The following BMAL1 variants were observed in gnomAD, a reference collection of about 807,000 sequenced individuals.
The protein encoded by BMAL1 is basic helix-loop-helix ARNT like 1.
the BMAL1 span, among the ~76,000 whole-genome samples, chr11:13,325,051 G>A: frequency 6.6e-6 from 1 of 152,222 alleles, no homozygotes; most frequent in African/African-American, 2.4e-5. Context: ...AGGACCTGAA[G>A]ATCTTTGAGT....
the BMAL1 span, among the ~76,000 whole-genome samples, chr11:13,318,612 T>C: frequency 2.5e-4 from 37 of 149,924 alleles, no homozygotes; most frequent in Admixed American, 1.8e-3. Context: ...GCAGAGTCTT[T>C]GTTGAAATAG....
chr11:13,296,820 A>G, the BMAL1 span, among the ~76,000 whole-genome samples: 1 of 152,240 alleles, frequency 6.6e-6, no homozygotes, highest in Non-Finnish European at 1.5e-5. Flanking sequence ...TATGGCCATC[A>G]GCTCTGCCCC....
chr11:13,324,760 C>T, the BMAL1 span, among the ~76,000 whole-genome samples: 7 of 152,298 alleles, frequency 4.6e-5, no homozygotes, highest in East Asian at 1.9e-4. Flanking sequence ...TCCTGAAACA[C>T]GAGGTGGGTG....
At chr11:13,280,260 G>A in the BMAL1 span, among the ~76,000 whole-genome samples, 1 of 152,242 alleles carries the variant, frequency 6.6e-6, no homozygotes, top group Admixed American at 6.5e-5. Context: ...GAGTTTGTCT[G>A]CTATTTGCAG....
the BMAL1 span, among the ~76,000 whole-genome samples, chr11:13,377,234 C>T: frequency 3.1e-4 from 47 of 152,172 alleles, no homozygotes; most frequent in South Asian, 2.1e-4. Context: ...CTCCCACATC[C>T]ACATCTCCTG....
chr11:13,317,454 T>A, the BMAL1 span, among the ~76,000 whole-genome samples: 1 of 152,196 alleles, frequency 6.6e-6, no homozygotes, highest in Non-Finnish European at 1.5e-5. Flanking sequence ...TGACCCTGGG[T>A]GCCAAATGCC....
At chr11:13,339,590 C>T in the BMAL1 span, among the ~76,000 whole-genome samples, 2 of 152,160 alleles carry the variant, frequency 1.3e-5, no homozygotes, top group African/African-American at 2.4e-5. Flanking sequence ...TGACTGCACC[C>T]CTACCTTCCT....
chr11:13,352,432 G>A, the BMAL1 span, among the ~76,000 whole-genome samples: 1 of 152,146 alleles, frequency 6.6e-6, no homozygotes, highest in Non-Finnish European at 1.5e-5. Context: ...ACAGAGAAAC[G>A]CCTGTAAAGA....
chr11:13,298,455 T>C, the BMAL1 span, among the ~76,000 whole-genome samples: 1 of 152,264 alleles, frequency 6.6e-6, no homozygotes, highest in African/African-American at 2.4e-5. Context: ...CCTTGCTCTT[T>C]ATTTTTCCTC....
chr11:13,366,837 C>A, the BMAL1 span: 4 of 1,448,792 alleles, frequency 2.8e-6, no homozygotes, highest in Non-Finnish European at 3.9e-6. Flanking sequence ...AGGCAGCCAA[C>A]CCTGAGTGAG....
chr11:13,375,804 C>A, the BMAL1 span: 1 of 1,504,188 alleles, frequency 6.6e-7, no homozygotes, highest in Non-Finnish European at 8.9e-7. Context: ...TTGCTTCAAA[C>A]AGATGCCTAG....
the BMAL1 span, chr11:13,358,288 A>G: frequency 1.1e-6 from 1 of 939,144 alleles, no homozygotes; most frequent in Non-Finnish European, 1.5e-6. Flanking sequence ...ACTTTAGTTG[A>G]AAAGTCTAAT....
chr11:13,303,198 C>A, the BMAL1 span, among the ~76,000 whole-genome samples: 1 of 152,160 alleles, frequency 6.6e-6, no homozygotes, highest in Non-Finnish European at 1.5e-5. Flanking sequence ...TGGGCTTAAG[C>A]GGGCCTTTCT....
the BMAL1 span, chr11:13,376,770 A>G: frequency 6.3e-7 from 1 of 1,586,298 alleles, no homozygotes; most frequent in Admixed American, 1.7e-5. Context: ...GCCCGTGGGA[A>G]GGTGCTTGTG....
chr11:13,292,519 C>T, the BMAL1 span, among the ~76,000 whole-genome samples: 2 of 151,336 alleles, frequency 1.3e-5, no homozygotes, highest in Non-Finnish European at 2.9e-5. Flanking sequence ...TGCACTCCAG[C>T]CTGGGCGACA....
chr11:13,323,897 A>G, the BMAL1 span, among the ~76,000 whole-genome samples: 1 of 152,224 alleles, frequency 6.6e-6, no homozygotes, highest in Non-Finnish European at 1.5e-5. Context: ...GATTATAGGC[A>G]TGAGCCACTG....
chr11:13,352,332 G>A, the BMAL1 span, among the ~76,000 whole-genome samples: 1 of 152,200 alleles, frequency 6.6e-6, no homozygotes, highest in African/African-American at 2.4e-5. Context: ...TAAGGGGTAT[G>A]TTTCTCCAGC....
chr11:13,319,796 A>G, the BMAL1 span, among the ~76,000 whole-genome samples: 4 of 152,106 alleles, frequency 2.6e-5, no homozygotes, highest in Non-Finnish European at 5.9e-5. Context: ...TGTCTTTCCC[A>G]CCAAGGGCTG....
At chr11:13,378,471 G>A in the BMAL1 span, 4 of 1,596,502 alleles carry the variant, frequency 2.5e-6, no homozygotes, top group Non-Finnish European at 3.4e-6. Flanking sequence ...TAGTTCCTCT[G>A]TTAAACCAGT....
Sources: allele counts gnomAD v4.1 joint callset (sites outside exome capture counted in the v4.1 genomes callset), GRCh38; gene constraint gnomAD v4.1.1; transcripts MANE v1.5; gene names NCBI Gene and HGNC (gene_info 2026-07-23, HGNC 2026-07-21).